Variants in CLEC5A observed in about 807,000 individuals in gnomAD.
The protein encoded by CLEC5A is C-type lectin domain containing 5A, also known as C-type lectin domain family 5 member A.
Under a neutral mutation model 24.4 loss-of-function variants are expected in CLEC5A, and 15 were observed. The observed-to-expected ratio is 0.62, with a 90% CI of 0.41 to 0.95. CLEC5A has a LOEUF of 0.95. Among genes scored for constraint, CLEC5A ranks in the 40% least tolerant of loss-of-function variants. The pLI is 0.00. For missense variants in CLEC5A, 211 were observed against 224.0 expected, an observed-to-expected ratio of 0.94 and a Z score of 0.37; for synonymous variants, 71 against 72.6, an observed-to-expected ratio of 0.98 and a Z score of 0.11.
At position 141,929,516 on chromosome 7, in the gene CLEC5A, G is replaced by C. The variant is rs909986920; in HGVS notation, c.*588C>G. The stretch of plus-strand genomic sequence containing the variant: ...TTTCTTCAAAGGGGTCTCCAAGAAG[G>C]TTCCTATCCTGCCCAGACCTCTCTC... On this transcript the variant is annotated 3_prime_UTR_variant, in exon 7 of 7. Transcript: ENST00000546910. The C allele has an allele frequency of 3.3e-5, 5 of 152,318 alleles. No individual in the cohort carries two copies. The highest frequency in any genetic ancestry group is 2.6e-4 in the Admixed American group (4 of 15,282). The allele number at this position is 152,318 out of a possible 1,614,324, so 9.4% of individuals were successfully genotyped here.
chr7:141,938,743 G>T (rs1802700431), intron 4 of CLEC5A, among the ~76,000 whole-genome samples: 1 of 152,100 alleles, frequency 6.6e-6, no homozygotes, highest in South Asian at 2.1e-4. Context: ...AGCAGCAAGA[G>T]AAAAGAAGCA....
intron 4 of CLEC5A, among the ~76,000 whole-genome samples, chr7:141,940,623 ATCAATGCAACAAAAGTCGGCTTT>A (rs1239964810): frequency 2.0e-4 from 30 of 151,896 alleles, no homozygotes; most frequent in African/African-American, 6.3e-4. Context: ...AATACAAAAC[ATCAATGCAACAAAAGTCGGCTTT>A]TTGAAAAGAT....
In CLEC5A at chr7:141,935,756, C is replaced by G. The variant is rs984678538; in HGVS notation, c.345+58G>C. On this transcript the variant is annotated intron_variant, in intron 5 of 6. Transcript: ENST00000546910. The stretch of plus-strand genomic sequence containing the variant: ...CACTCCCCCAAGTTTCTACCCCATC[C>G]CACCCACTGAGGCTGTGTGGAGTGT... The G allele has an allele frequency of 3.9e-6, 6 of 1,551,484 alleles. No homozygotes were observed. The African/African-American group carries it at 8.2e-5, about 21-fold the overall frequency.
intron 4 of CLEC5A, among the ~76,000 whole-genome samples, chr7:141,939,365 C>A (rs1802718114): frequency 6.6e-6 from 1 of 151,802 alleles, no homozygotes; most frequent in Non-Finnish European, 1.5e-5. Context: ...TATCAGCTTA[C>A]AATAATGGGC....
Position 141,931,843 on chromosome 7 carries a change from A to T in CLEC5A, c.346-17T>A, listed in dbSNP as rs1554440440. On this transcript the variant is annotated splice_polypyrimidine_tract_variant and intron_variant, in intron 5 of 6. Coordinates refer to ENST00000546910, the MANE Select transcript of CLEC5A (RefSeq NM_013252.3). ...AAGAAACTTCTGGAAATAAAAAAAAAATTTTACCAGTGAGTCTTTTAATGA... is the reference window on the plus strand; with the variant it reads ...AAGAAACTTCTGGAAATAAAAAAAATATTTTACCAGTGAGTCTTTTAATGA... 7.8e-7 allele frequency: 1 copy of T among 1,282,474 alleles called. No homozygotes were observed. The highest frequency in any genetic ancestry group is 1.3e-5 in the South Asian group (1 of 79,522). 79.4% of individuals were successfully genotyped at this position (1,282,474 alleles called of 1,614,324 possible).
At chr7:141,942,316 A>G (rs1554441708) in intron 4 of CLEC5A, among the ~76,000 whole-genome samples, 2 of 152,138 alleles carry the variant, frequency 1.3e-5, no homozygotes, top group Non-Finnish European at 2.9e-5. Context: ...TACCACAAAC[A>G]TGCATTGAGG....
intron 3 of CLEC5A, among the ~76,000 whole-genome samples, chr7:141,944,895 A>G (rs906654348): frequency 4.0e-5 from 6 of 151,898 alleles, no homozygotes; most frequent in Admixed American, 1.3e-4. Flanking sequence ...AGCTCACTGT[A>G]TTGGGTTGCC....
At chr7:141,939,239 G>A (rs1747842259) in intron 4 of CLEC5A, among the ~76,000 whole-genome samples, 1 of 151,976 alleles carries the variant, frequency 6.6e-6, no homozygotes, top group African/African-American at 2.4e-5. Context: ...TAAAAACAAA[G>A]TTATAAATAG....
intron 2 of CLEC5A, chr7:141,945,681 A>T (rs1055636484): frequency 1.5e-5 from 7 of 472,456 alleles, no homozygotes; most frequent in Non-Finnish European, 2.7e-5. Flanking sequence ...TTCCTTCCTC[A>T]TTTATTTTCC....
At chr7:141,945,562 G>A (rs1267967595) in intron 2 of CLEC5A, among the ~76,000 whole-genome samples, 162 bp from the exon 3 acceptor site, 2 of 152,096 alleles carry the variant, frequency 1.3e-5, no homozygotes, top group African/African-American at 2.4e-5. Flanking sequence ...TTGTGAATAC[G>A]TTCCCTTATT....
chr7:141,934,179 T>C (rs1371014487), intron 5 of CLEC5A, among the ~76,000 whole-genome samples: 4 of 152,198 alleles, frequency 2.6e-5, no homozygotes, highest in African/African-American at 9.7e-5. Context: ...TGGTACAGTT[T>C]AGAGCCTTAG....
chr7:141,931,883 C>G (rs1002422258), intron 5 of CLEC5A, 57 bp from the exon 6 acceptor site: 5 of 755,438 alleles, frequency 6.6e-6, no homozygotes, highest in Non-Finnish European at 1.1e-5. Flanking sequence ...TCTCTTGAGC[C>G]AATGTGCCCA....
At chr7:141,937,625 G>C (rs1802668784) in intron 4 of CLEC5A, among the ~76,000 whole-genome samples, 1 of 152,206 alleles carries the variant, frequency 6.6e-6, no homozygotes, top group African/African-American at 2.4e-5. Flanking sequence ...GGAGGTCACA[G>C]GCTTGGCTGG....
chr7:141,934,600 C>CT (rs1241528799), intron 5 of CLEC5A, among the ~76,000 whole-genome samples: 1 of 73,746 alleles, frequency 1.4e-5, no homozygotes, highest in East Asian at 4.2e-4. Context: ...TGACCTTTGT[C>CT]TTTTTCTTTA....
intron 5 of CLEC5A, among the ~76,000 whole-genome samples, chr7:141,932,107 G>T (rs1802487222): frequency 6.6e-6 from 1 of 152,172 alleles, no homozygotes; most frequent in Non-Finnish European, 1.5e-5. Context: ...AAATGCCCAG[G>T]TGATACTGAT....
chr7:141,942,525 T>C (rs1802824356), intron 4 of CLEC5A, among the ~76,000 whole-genome samples: 1 of 152,132 alleles, frequency 6.6e-6, no homozygotes, highest in African/African-American at 2.4e-5. Context: ...CAAAGATTTC[T>C]TGAGTAATAT....
intron 6 of CLEC5A, 113 bp downstream of exon 6, chr7:141,931,607 A>G (rs1802463791): frequency 2.9e-6 from 2 of 689,596 alleles, no homozygotes; most frequent in Non-Finnish European, 5.3e-6. Context: ...GGAGAAGAGC[A>G]GAACAGAGTC....
chr7:141,943,125 C>T (rs188738519), intron 4 of CLEC5A, among the ~76,000 whole-genome samples: 15 of 152,222 alleles, frequency 9.9e-5, no homozygotes, highest in Admixed American at 5.2e-4. Context: ...TCTGCACTCC[C>T]GTTTTTATCG....
In CLEC5A at chr7:141,929,195, G is replaced by A. The variant is rs1486565848; in HGVS notation, c.*909C>T. The A allele has an allele frequency of 6.6e-6, 1 of 152,246 alleles. No individual in the cohort carries two copies. Among genetic ancestry groups the A allele is most frequent in the Non-Finnish European group, 1.5e-5 (1 of 68,084 alleles). 9.4% of individuals were successfully genotyped at this position (152,246 alleles called of 1,614,324 possible). A position where few individuals can be genotyped will look rare whatever the true frequency, so the allele number is the denominator to read the frequency against. ...GCCAATCAGTGCCAGGCTCCTTGGG[G>A]TCAGTAGGCTGTGCCTGGTATCAGG... On this transcript the variant is annotated 3_prime_UTR_variant, in exon 7 of 7. Coordinates refer to ENST00000546910, the MANE Select transcript of CLEC5A (RefSeq NM_013252.3).
Sources: allele counts gnomAD v4.1 joint callset (sites outside exome capture counted in the v4.1 genomes callset), GRCh38; gene constraint gnomAD v4.1.1; transcripts MANE v1.5; gene names NCBI Gene and HGNC (gene_info 2026-07-23, HGNC 2026-07-21).